The following MLXIPL variants were observed in gnomAD, a reference collection of about 807,000 sequenced individuals.
MLXIPL encodes MLX interacting protein like.
Under a neutral mutation model 81.5 loss-of-function variants are expected in MLXIPL, and 49 were observed. The observed-to-expected ratio is 0.60, with a 90% CI of 0.48 to 0.76. The LOEUF (loss-of-function observed/expected upper bound fraction) is 0.76. Ranked by LOEUF, MLXIPL falls within the 30% of genes least tolerant of loss-of-function variation. The pLI, the probability that MLXIPL is intolerant of heterozygous loss-of-function variation, is 0.00. For missense variants in MLXIPL, 1,053 were observed against 1,167.0 expected, an observed-to-expected ratio of 0.90 and a Z score of 1.42; for synonymous variants, 466 against 485.5, an observed-to-expected ratio of 0.96 and a Z score of 0.53.
At chr7:73,647,753 C>T in the MLXIPL span, among the ~76,000 whole-genome samples, 1 of 151,950 alleles carries the variant, frequency 6.6e-6, no homozygotes, top group African/African-American at 2.4e-5. Context: ...CACCTGATGA[C>T]GCGGGGGCTC....
intron 1 of MLXIPL, among the ~76,000 whole-genome samples, chr7:73,619,420 CA>C (rs1239346495): frequency 1.3e-5 from 2 of 150,074 alleles, no homozygotes; most frequent in Admixed American, 1.3e-4. Flanking sequence ...GAGATTGTGC[CA>C]CTGCACTCCA....
chr7:73,647,861 G>A, the MLXIPL span, among the ~76,000 whole-genome samples: 3 of 150,626 alleles, frequency 2.0e-5, no homozygotes, highest in East Asian at 5.9e-4. Flanking sequence ...GCTTGGGACC[G>A]CCGGACCGCG....
At chr7:73,639,931 G>C in the MLXIPL span, among the ~76,000 whole-genome samples, 2 of 151,686 alleles carry the variant, frequency 1.3e-5, no homozygotes, top group African/African-American at 2.4e-5. Flanking sequence ...CAGGTGTGGT[G>C]GTGGGCGCCT....
At chr7:73,639,188 C>T in the MLXIPL span, among the ~76,000 whole-genome samples, 1 of 151,948 alleles carries the variant, frequency 6.6e-6, no homozygotes, top group African/African-American at 2.4e-5. Flanking sequence ...CCATCCCAGG[C>T]CAGGAAGAAA....
Position 73,605,648 on chromosome 7 carries a change from C to T in MLXIPL, c.901+40G>A, listed in dbSNP as rs373900853. 7 of 1,604,970 alleles carry T rather than the reference C, an allele frequency of 4.4e-6. No individual in the cohort carries two copies. The African/African-American group carries it at 5.4e-5, about 12-fold the overall frequency. On this transcript the variant is annotated intron_variant, in intron 7 of 16. Coordinates refer to ENST00000313375, the MANE Select transcript of MLXIPL (RefSeq NM_032951.3). ...GGCTCATCGGCCTTCCTCACACAGA[C>T]CCTGCCCGTCCACCCGACCTGGGGA...
At chr7:73,605,813 G>A (rs1344594367) in intron 6 of MLXIPL, 45 bp from the exon 7 acceptor site, 4 of 1,600,424 alleles carry the variant, frequency 2.5e-6, no homozygotes, top group Admixed American at 1.7e-5. Flanking sequence ...GCAGGGAGGA[G>A]CAGGGTCCCC....
Position 73,605,591 on chromosome 7 carries a change from G to C in MLXIPL, c.901+97C>G, listed in dbSNP as rs1795207002. 3 of 1,078,584 alleles carry C rather than the reference G, an allele frequency of 2.8e-6. No individual in the cohort carries two copies. The East Asian group carries it at 7.2e-5, about 26-fold the overall frequency. 66.8% of individuals were successfully genotyped at this position (1,078,584 alleles called of 1,614,324 possible). A position where few individuals can be genotyped will look rare whatever the true frequency, so the allele number is the denominator to read the frequency against. On this transcript the variant is annotated intron_variant, in intron 7 of 16. Coordinates refer to ENST00000313375, the MANE Select transcript of MLXIPL (RefSeq NM_032951.3). ...AAGACAGAAAAAAAGAAACGACCCA[G>C]ACTATCAGCCCTCCCAGAGGGGCCT...
chr7:73,595,715 G>A lies in MLXIPL; in HGVS notation c.2232C>T (p.His744=), dbSNP rs782338999. ...TGTCTCGCATCTGGTCAAAACGCTGGTGTGTGATGGGTACCCCTGTGGCGG... is the reference window on the plus strand; with the variant it reads ...TGTCTCGCATCTGGTCAAAACGCTGATGTGTGATGGGTACCCCTGTGGCGG... ...QLPATGVPIT[H]QRFDQMRDMF... is the part of the protein sequence containing the mutation. The change falls in exon 15 of 17, where the codon CAC becomes CAT. Residue 744 remains histidine (H), a synonymous_variant. Transcript: ENST00000313375. 6.2e-7 allele frequency: 1 copy of A among 1,613,650 alleles called. No individual in the cohort carries two copies. Among genetic ancestry groups the A allele is most frequent in the Non-Finnish European group, 8.5e-7 (1 of 1,179,758 alleles).
In MLXIPL at chr7:73,623,584, T is replaced by C. The variant is rs1796525136; in HGVS notation, c.293+616A>G. ...CTGCGAGCTGCGCCTCTTGGACATT[T>C]CTGGGACATCCTCCTCCCGCCACCC... On this transcript the variant is annotated intron_variant, in intron 1 of 16. Transcript: ENST00000313375. This position sits in a 1 kb window ranked among gnomAD's most constrained non-coding sequence, Gnocchi z 5.7. 1.3e-5 allele frequency among the ~76,000 whole-genome samples: 2 copies of C among 152,088 alleles called. No individual in the cohort carries two copies. Among genetic ancestry groups the C allele is most frequent in the Non-Finnish European group, 2.9e-5 (2 of 68,022 alleles).
chr7:73,631,912 C>CT, the MLXIPL span, among the ~76,000 whole-genome samples: 212 of 114,666 alleles, frequency 1.8e-3, 1 homozygote, highest in African/African-American at 6.2e-3. Flanking sequence ...CTTTTCTTTT[C>CT]TTTCCCCTCC....
At chr7:73,619,657 G>A (rs1179455150) in intron 1 of MLXIPL, among the ~76,000 whole-genome samples, 4 of 148,774 alleles carry the variant, frequency 2.7e-5, no homozygotes, top group South Asian at 2.1e-4. Context: ...CTGGTTGGGC[G>A]CAGTGGCTCA....
At chr7:73,614,715 T>C (rs1436896290) in intron 2 of MLXIPL, among the ~76,000 whole-genome samples, 3 of 152,162 alleles carry the variant, frequency 2.0e-5, no homozygotes, top group Non-Finnish European at 4.4e-5. Flanking sequence ...ACATCATGTA[T>C]TGGATACCAA....
chr7:73,646,132 T>C, the MLXIPL span, among the ~76,000 whole-genome samples: 2 of 152,122 alleles, frequency 1.3e-5, no homozygotes, highest in Non-Finnish European at 2.9e-5. Context: ...TCCCAGCCCC[T>C]GACAAACCCA....
chr7:73,631,249 A>G, the MLXIPL span, among the ~76,000 whole-genome samples: 13 of 152,092 alleles, frequency 8.5e-5, no homozygotes, highest in African/African-American at 3.1e-4. Context: ...TGACCTTGTG[A>G]TCTGCCTGCC....
chr7:73,610,616 G>A (rs1795628447), intron 2 of MLXIPL: 3 of 152,362 alleles, frequency 2.0e-5, no homozygotes, highest in Non-Finnish European at 4.4e-5. Context: ...TGGGACTATA[G>A]GCATGTGCTA....
At chr7:73,645,680 C>T in the MLXIPL span, among the ~76,000 whole-genome samples, 1 of 152,258 alleles carries the variant, frequency 6.6e-6, no homozygotes, top group Middle Eastern at 3.4e-3. Context: ...TCCAGGCGAG[C>T]CCATTTAACC....
At chr7:73,606,389 C>T (rs868966131) in intron 5 of MLXIPL, 2 of 518,836 alleles carry the variant, frequency 3.9e-6, no homozygotes, top group South Asian at 6.0e-5. Context: ...TTCTTTGGTC[C>T]CTCTGGTTTT....
chr7:73,600,128 C>T (rs537804996), intron 7 of MLXIPL, among the ~76,000 whole-genome samples: 2 of 151,604 alleles, frequency 1.3e-5, no homozygotes, highest in South Asian at 2.1e-4. Flanking sequence ...ATGGGAGGGG[C>T]CCCAGGGTGG....
intron 2 of MLXIPL, among the ~76,000 whole-genome samples, chr7:73,607,955 C>T (rs1795440128): frequency 6.7e-6 from 1 of 149,840 alleles, no homozygotes; most frequent in Admixed American, 6.7e-5. Flanking sequence ...CTCCTGGGTT[C>T]AAGCGATTCT....
Sources: gnomAD v4.1 joint callset for allele counts (sites outside exome capture counted in the v4.1 genomes callset) on GRCh38, gnomAD v4.1.1 for gene constraint, Gnocchi (gnomAD v3.1) non-coding constraint, MANE v1.5 for transcripts, NCBI Gene and HGNC (gene_info 2026-07-23, HGNC 2026-07-21) for gene names.